The following NMNAT3 variants were observed in gnomAD, a reference collection of about 807,000 sequenced individuals.
NMNAT3 encodes nicotinamide nucleotide adenylyltransferase 3.
A neutral mutation model predicts 24.8 loss-of-function variants in NMNAT3; 21 were observed. That is an observed-to-expected ratio of 0.85 (90% CI 0.60 to 1.22). The LOEUF (loss-of-function observed/expected upper bound fraction) is 1.22. NMNAT3 is among the 50% of genes most tolerant of loss of function. The pLI, the probability that NMNAT3 is intolerant of heterozygous loss-of-function variation, is 0.00. For missense variants in NMNAT3, 387 were observed against 436.6 expected (o/e 0.89, Z 1.01); for synonymous variants, 136 against 155.2 (o/e 0.88, Z 0.92).
chr3:139,625,091 C>T (rs2055994107), intron 3 of NMNAT3, among the ~76,000 whole-genome samples: 1 of 152,148 alleles, frequency 6.6e-6, no homozygotes, highest in East Asian at 1.9e-4. Context: ...TATGAAATGA[C>T]CTTATTTATC....
At chr3:139,617,602 TAAAC>T (rs1282767131) in intron 3 of NMNAT3, among the ~76,000 whole-genome samples, 1 of 152,098 alleles carries the variant, frequency 6.6e-6, no homozygotes, top group Non-Finnish European at 1.5e-5. Flanking sequence ...ATACAGAAAA[TAAAC>T]AAGTGCTAAA....
Position 139,646,810 on chromosome 3 carries a change from T to A in NMNAT3, c.-140-8748A>T, listed in dbSNP as rs182963623. 5.3e-4 allele frequency among the ~76,000 whole-genome samples: 81 copies of A among 152,330 alleles called. 5 individuals are homozygous for A. The East Asian group carries it at 6.9e-3, about 13-fold the overall frequency. On this transcript the variant is annotated intron_variant, in intron 1 of 6. Coordinates refer to ENST00000643695, the MANE Select transcript of NMNAT3 (RefSeq NM_001320510.2). Reference sequence around the variant, plus strand: ...AAGGGGAGGGCCAAGTCCAAAACCGTAATAGGCTTTTTGCAGGGAGGACTG... The same window carrying A: ...AAGGGGAGGGCCAAGTCCAAAACCGAAATAGGCTTTTTGCAGGGAGGACTG...
intron 1 of NMNAT3, among the ~76,000 whole-genome samples, chr3:139,651,813 T>A (rs2057065141): frequency 6.6e-6 from 1 of 152,174 alleles, no homozygotes; most frequent in African/African-American, 2.4e-5. Flanking sequence ...CTATTAAAGC[T>A]TCTCCCAGCC....
At chr3:139,614,529 T>C (rs573389728) in intron 3 of NMNAT3, among the ~76,000 whole-genome samples, 1 of 152,358 alleles carries the variant, frequency 6.6e-6, no homozygotes, top group South Asian at 2.1e-4. Flanking sequence ...TTAGTTTGTC[T>C]TTCATGACAC....
At chr3:139,582,209 A>AAAAAAG (rs1559872566) in intron 4 of NMNAT3, among the ~76,000 whole-genome samples, 1 of 151,050 alleles carries the variant, frequency 6.6e-6, no homozygotes, top group South Asian at 2.1e-4. Context: ...AAAAAAAAAA[A>AAAAAAG]AAAAAGAAAA....
chr3:139,597,338 T>C (rs2054528872), intron 3 of NMNAT3, among the ~76,000 whole-genome samples: 1 of 152,126 alleles, frequency 6.6e-6, no homozygotes, highest in Non-Finnish European at 1.5e-5. Context: ...CTGGATTTTA[T>C]TGAATGACTC....
chr3:139,568,048 CTT>C (rs1166976495), intron 6 of NMNAT3: 1 of 152,208 alleles, frequency 6.6e-6, no homozygotes, highest in East Asian at 1.9e-4. Context: ...AGAGATTCAA[CTT>C]CTTCCTGGTT....
At chr3:139,643,730 G>A (rs1034252471) in intron 1 of NMNAT3, among the ~76,000 whole-genome samples, 11 of 152,112 alleles carry the variant, frequency 7.2e-5, no homozygotes, top group African/African-American at 2.4e-4. Flanking sequence ...TGGGAGGAGA[G>A]GGGGAAGGAA....
chr3:139,668,823 G>C (rs913395134), intron 1 of NMNAT3, among the ~76,000 whole-genome samples: 3 of 152,154 alleles, frequency 2.0e-5, no homozygotes, highest in Non-Finnish European at 2.9e-5. Flanking sequence ...TCTGCATAGG[G>C]TATGGAAAAA....
chr3:139,623,518 TAGTC>T (rs746044161), intron 3 of NMNAT3, among the ~76,000 whole-genome samples: 31 of 152,302 alleles, frequency 2.0e-4, no homozygotes, highest in Non-Finnish European at 3.7e-4. Flanking sequence ...ATCAGTAACT[TAGTC>T]ATTTATTACC....
At chr3:139,582,820 A>G (rs2053723879) in intron 4 of NMNAT3, 4 of 576,738 alleles carry the variant, frequency 6.9e-6, no homozygotes, top group East Asian at 6.3e-5. Flanking sequence ...GGCAAAATAT[A>G]TAGGTATTCA....
chr3:139,643,525 G>A (rs913422665), intron 1 of NMNAT3, among the ~76,000 whole-genome samples: 2 of 152,318 alleles, frequency 1.3e-5, no homozygotes, highest in African/African-American at 4.8e-5. Context: ...TACGTTGCAT[G>A]TATATAATAA....
intron 5 of NMNAT3, among the ~76,000 whole-genome samples, chr3:139,578,337 A>C (rs1440141844): frequency 6.6e-6 from 1 of 152,232 alleles, no homozygotes; most frequent in African/African-American, 2.4e-5. Context: ...TTCACATAAA[A>C]GTCTGGGTTT....
chr3:139,564,671 C>G (rs567206775), intron 6 of NMNAT3, among the ~76,000 whole-genome samples: 75 of 152,318 alleles, frequency 4.9e-4, no homozygotes, highest in African/African-American at 1.8e-3. Flanking sequence ...GAGCTCATCA[C>G]GTAATTTGCA....
At chr3:139,612,525 T>C (rs2055274258) in intron 3 of NMNAT3, among the ~76,000 whole-genome samples, 1 of 152,192 alleles carries the variant, frequency 6.6e-6, no homozygotes, top group Non-Finnish European at 1.5e-5. Flanking sequence ...AGTATGCATT[T>C]GGACCAGGTT....
At chr3:139,655,405 G>A (rs1052701304) in intron 1 of NMNAT3, among the ~76,000 whole-genome samples, 11 of 152,318 alleles carry the variant, frequency 7.2e-5, no homozygotes, top group East Asian at 5.8e-4. Flanking sequence ...CAACAGCAAC[G>A]TAAAAGCCTC....
chr3:139,598,184 T>C (rs1414083535), intron 3 of NMNAT3, among the ~76,000 whole-genome samples: 1 of 152,186 alleles, frequency 6.6e-6, no homozygotes, highest in Non-Finnish European at 1.5e-5. Context: ...TTGTGACAGA[T>C]GGTCTTTTCA....
intron 3 of NMNAT3, among the ~76,000 whole-genome samples, chr3:139,624,600 C>T (rs765518029): frequency 6.6e-6 from 1 of 152,124 alleles, no homozygotes; most frequent in African/African-American, 2.4e-5. Flanking sequence ...AGGTGTGTGC[C>T]ACCACACCTG....
chr3:139,635,502 A>G (rs1253040594), intron 2 of NMNAT3: 1 of 152,240 alleles, frequency 6.6e-6, no homozygotes, highest in Non-Finnish European at 1.5e-5. Context: ...TATGCCTAAA[A>G]TCATAGCTGA....
Sources: gnomAD v4.1 joint callset for allele counts (sites outside exome capture counted in the v4.1 genomes callset) on GRCh38, gnomAD v4.1.1 for gene constraint, MANE v1.5 for transcripts, NCBI Gene and HGNC (gene_info 2026-07-23, HGNC 2026-07-21) for gene names.